The following SLIT3 variants were observed in gnomAD, a reference collection of about 807,000 sequenced individuals.
The protein encoded by SLIT3 is slit homolog 3 protein.
Under a neutral mutation model 184.0 loss-of-function variants are expected in SLIT3, and 68 were observed. The observed-to-expected ratio is 0.37, with a 90% CI of 0.30 to 0.45. The LOEUF (loss-of-function observed/expected upper bound fraction) is 0.45, where lower values mean the gene tolerates loss of function less well. Ranked by LOEUF, SLIT3 falls within the 20% of genes least tolerant of loss-of-function variation. SLIT3 has a pLI of 1.00. For synonymous variants in SLIT3, 831 were observed against 828.6 expected, an observed-to-expected ratio of 1.00 and a Z score of -0.05; for missense variants, 1,707 against 2,026.0, an observed-to-expected ratio of 0.84 and a Z score of 3.02.
At chr5:168,885,686 TTGA>T (rs1338505085) in intron 4 of SLIT3, among the ~76,000 whole-genome samples, 4 of 152,080 alleles carry the variant, frequency 2.6e-5, no homozygotes, top group Non-Finnish European at 5.9e-5. Flanking sequence ...TGGAAAATGG[TTGA>T]TGATCAAAAT....
intron 4 of SLIT3, among the ~76,000 whole-genome samples, chr5:169,103,254 G>C (rs1372585398): frequency 6.6e-6 from 1 of 152,230 alleles, no homozygotes; most frequent in African/African-American, 2.4e-5. Flanking sequence ...GATCCAAGCA[G>C]TGGGATTTTT....
chr5:168,673,364 G>T (rs777859396), intron 32 of SLIT3, 33 bp from the exon 33 acceptor site: 1 of 1,609,222 alleles, frequency 6.2e-7, no homozygotes, highest in East Asian at 2.2e-5. Flanking sequence ...AAGCCGGAGA[G>T]TTCACTAAGG....
chr5:168,857,468 T>C (rs1230907832), intron 5 of SLIT3, among the ~76,000 whole-genome samples: 1 of 152,148 alleles, frequency 6.6e-6, no homozygotes, highest in South Asian at 2.1e-4. Context: ...ATGACAAGGA[T>C]ATTTGACCTT....
At chr5:169,144,953 G>T (rs1761879216) in intron 4 of SLIT3, among the ~76,000 whole-genome samples, 1 of 152,142 alleles carries the variant, frequency 6.6e-6, no homozygotes, top group African/African-American at 2.4e-5. Flanking sequence ...TTTACATCCA[G>T]CCTGATTATG....
At chr5:168,751,830 C>T (rs557923847) in intron 18 of SLIT3, among the ~76,000 whole-genome samples, 12 of 152,020 alleles carry the variant, frequency 7.9e-5, no homozygotes, top group South Asian at 4.2e-4. Context: ...CTCCACCTCC[C>T]GGGTTCAAGC....
At chr5:168,905,332 G>A (rs1761012112) in intron 4 of SLIT3, among the ~76,000 whole-genome samples, 1 of 152,174 alleles carries the variant, frequency 6.6e-6, no homozygotes, top group Non-Finnish European at 1.5e-5. Flanking sequence ...CCCAGTCAGA[G>A]GGCCTTTCTA....
intron 9 of SLIT3, among the ~76,000 whole-genome samples, chr5:168,797,679 C>T (rs549390015): frequency 3.3e-4 from 50 of 152,248 alleles, no homozygotes; most frequent in African/African-American, 1.0e-3. Context: ...TTATTGCTAC[C>T]ATAATAAACA....
At chr5:169,187,889 G>C (rs950971152) in intron 4 of SLIT3, among the ~76,000 whole-genome samples, 1 of 151,010 alleles carries the variant, frequency 6.6e-6, no homozygotes, top group Non-Finnish European at 1.5e-5. Context: ...AAAAAGTTGT[G>C]AACCCATGTG....
intron 4 of SLIT3, among the ~76,000 whole-genome samples, chr5:169,092,278 A>T (rs1759618933): frequency 6.6e-6 from 1 of 152,206 alleles, no homozygotes; most frequent in African/African-American, 2.4e-5. Flanking sequence ...ATATTGACCC[A>T]CAGAGTGAAG....
At chr5:168,765,387 T>C (rs1012854081) in intron 14 of SLIT3, among the ~76,000 whole-genome samples, 6 of 152,224 alleles carry the variant, frequency 3.9e-5, no homozygotes, top group African/African-American at 1.4e-4. Flanking sequence ...CTGCTGTTTT[T>C]GTTATTGCCC....
At chr5:168,668,037 C>T (rs984895754) in intron 35 of SLIT3, among the ~76,000 whole-genome samples, 4 of 152,074 alleles carry the variant, frequency 2.6e-5, no homozygotes, top group Admixed American at 1.3e-4. Context: ...AATAGTATTT[C>T]GTGTAGGTAT....
chr5:169,137,371 C>T (rs1165219435), intron 4 of SLIT3, among the ~76,000 whole-genome samples: 13 of 128,834 alleles, frequency 1.0e-4, no homozygotes, highest in African/African-American at 3.6e-4. Flanking sequence ...GTTTGCTTCA[C>T]AGCGGGAAGC....
chr5:168,772,409 C>G, intron 14 of SLIT3: 1 of 260,068 alleles, frequency 3.8e-6, no homozygotes, highest in Admixed American at 5.1e-5. Flanking sequence ...TCTACTTGCC[C>G]TTTGGGGAGC....
chr5:168,727,541 C>G (rs965115033), intron 20 of SLIT3, among the ~76,000 whole-genome samples: 1 of 152,090 alleles, frequency 6.6e-6, no homozygotes, highest in African/African-American at 2.4e-5. Context: ...CAGTGGGAGA[C>G]AGGGTAGATC....
intron 35 of SLIT3, among the ~76,000 whole-genome samples, chr5:168,667,191 G>T (rs998404489): frequency 6.6e-6 from 1 of 152,320 alleles, no homozygotes; most frequent in African/African-American, 2.4e-5. Flanking sequence ...GAGTGCTTTA[G>T]ATGGGGCAGG....
intron 5 of SLIT3, among the ~76,000 whole-genome samples, chr5:168,863,970 G>C (rs1188352378): frequency 1.3e-5 from 2 of 150,680 alleles, no homozygotes; most frequent in Non-Finnish European, 2.9e-5. Flanking sequence ...TGTAATTTCA[G>C]CACTTTGGAA....
chr5:169,021,908 T>C (rs909751773), intron 4 of SLIT3, among the ~76,000 whole-genome samples: 1 of 152,040 alleles, frequency 6.6e-6, no homozygotes, highest in Non-Finnish European at 1.5e-5. Flanking sequence ...TCATTGGTCA[T>C]ACTAGACACG....
At chr5:169,193,435 C>G in intron 4 of SLIT3, 44 bp downstream of exon 4, 1 of 1,554,198 alleles carries the variant, frequency 6.4e-7, no homozygotes, top group Non-Finnish European at 8.9e-7. Context: ...ATCACCCAAG[C>G]CAGGCAAGGC....
chr5:169,198,299 A>C (rs112817773), intron 3 of SLIT3, among the ~76,000 whole-genome samples: 34 of 152,224 alleles, frequency 2.2e-4, no homozygotes, highest in African/African-American at 8.0e-4. Context: ...GTCCTTGTTA[A>C]AAGAAGGCTT....
Sources: allele counts gnomAD v4.1 joint callset (sites outside exome capture counted in the v4.1 genomes callset), GRCh38; gene constraint gnomAD v4.1.1; transcripts MANE v1.5; gene names NCBI Gene and HGNC (gene_info 2026-07-23, HGNC 2026-07-21).